The following SYNE1 variants were observed in gnomAD, a reference collection of about 807,000 sequenced individuals.
SYNE1 encodes spectrin repeat containing nuclear envelope protein 1.
In SYNE1, 616 loss-of-function variants were observed where a neutral mutation model predicts 1,111.0. The observed-to-expected ratio is 0.55, with a 90% CI of 0.52 to 0.59. The LOEUF is 0.59. Ranked by LOEUF, SYNE1 falls within the 20% of genes least tolerant of loss-of-function variation. The pLI, the probability that SYNE1 is intolerant of heterozygous loss-of-function variation, is 0.00. For missense variants in SYNE1, 10,006 were observed against 10,417.0 expected (o/e 0.96, Z 1.72); for synonymous variants, 3,855 against 3,825.8 (o/e 1.01, Z -0.28).
At chr6:152,504,879 T>C (rs1045850200) in intron 9 of SYNE1, among the ~76,000 whole-genome samples, 2 of 152,156 alleles carry the variant, frequency 1.3e-5, no homozygotes, top group African/African-American at 4.8e-5. Flanking sequence ...TTATATAGAG[T>C]AATTATATTA....
intron 127 of SYNE1, among the ~76,000 whole-genome samples, chr6:152,199,464 T>C (rs888011927): frequency 6.6e-6 from 1 of 152,240 alleles, no homozygotes; most frequent in Non-Finnish European, 1.5e-5. Flanking sequence ...GGATCAGACA[T>C]TTCTTTAAGT....
At chr6:152,544,590 T>C (rs1052733914) in intron 3 of SYNE1, among the ~76,000 whole-genome samples, 3 of 152,154 alleles carry the variant, frequency 2.0e-5, no homozygotes, top group Admixed American at 1.3e-4. Context: ...TCTGCATTTC[T>C]TTGCCCATTT....
chr6:152,630,089 A>G lies in SYNE1; in HGVS notation c.-223-1535T>C, dbSNP rs543779054. ...ATATATTGGTATCTGGTCAGAATGTATGAATGCAAAGCTAGTAACATGCTT... is the reference window on the plus strand; with the variant it reads ...ATATATTGGTATCTGGTCAGAATGTGTGAATGCAAAGCTAGTAACATGCTT... On this transcript the variant is annotated intron_variant, in intron 2 of 145. Coordinates refer to ENST00000367255, the MANE Select transcript of SYNE1 (RefSeq NM_182961.4). Among the ~76,000 whole-genome samples, 36 of 152,218 alleles carry G rather than the reference A, an allele frequency of 2.4e-4. No individual in the cohort carries two copies. In the South Asian group the frequency reaches 5.2e-3, roughly 22 times the overall value.
chr6:152,171,212 T>C (rs907512108), intron 130 of SYNE1, among the ~76,000 whole-genome samples: 1 of 152,250 alleles, frequency 6.6e-6, no homozygotes, highest in African/African-American at 2.4e-5. Flanking sequence ...ATTCTCATTT[T>C]ATACATGTGG....
chr6:152,354,734 T>C lies in SYNE1; in HGVS notation c.10851A>G (p.Ala3617=), dbSNP rs929699862. 1 of 1,614,248 alleles carries C rather than the reference T, an allele frequency of 6.2e-7. No individual in the cohort carries two copies. The highest frequency in any genetic ancestry group is 8.5e-7 in the Non-Finnish European group (1 of 1,180,046). Residue 3617 remains alanine, a synonymous_variant, in exon 67 of 146, where the codon GCA becomes GCG. Transcript: ENST00000367255. The part of the protein sequence containing the change: ...FQQVDEWLKT[A]EEKVSPRTRR... ...TGGTCCTGGGACTAACTTTCTCCTC[T>C]GCTGTTTTGAGCCATTCATCTACTT...
At chr6:152,411,629 CA>C (rs1209531689) in intron 42 of SYNE1, among the ~76,000 whole-genome samples, 1 of 151,958 alleles carries the variant, frequency 6.6e-6, no homozygotes, top group African/African-American at 2.4e-5. Flanking sequence ...CAGGGATATA[CA>C]AATTAAAAAC....
intron 3 of SYNE1, among the ~76,000 whole-genome samples, chr6:152,544,397 C>T (rs905383504): frequency 2.0e-5 from 3 of 152,174 alleles, no homozygotes; most frequent in Non-Finnish European, 4.4e-5. Context: ...CAAATACTCT[C>T]TGGGTCCTTC....
chr6:152,398,649 T>C lies in SYNE1; in HGVS notation c.7320A>G (p.Lys2440=). The C allele has an allele frequency of 1.2e-6, 2 of 1,614,010 alleles. No individual in the cohort carries two copies. The highest frequency in any genetic ancestry group is 1.7e-6 in the Non-Finnish European group (2 of 1,179,912). The change falls in exon 49 of 146, where the codon AAA becomes AAG. Residue 2440 remains lysine (K), a synonymous_variant. Coordinates refer to ENST00000367255, the MANE Select transcript of SYNE1 (RefSeq NM_182961.4). ...KESSDRTGDS[K]VLEAKLHDLQ... ...GATCATGGAGCTTTGCTTCTAGAAC[T>C]TTGCTGTCACCGGTGCGATCTGATG...
chr6:152,465,766 TACACACACACAC>T (rs71017538), intron 17 of SYNE1, among the ~76,000 whole-genome samples: 10 of 133,466 alleles, frequency 7.5e-5, no homozygotes, highest in South Asian at 5.2e-4. Context: ...GAAGAACACA[TACACACACACAC>T]ACACACACAC....
intron 3 of SYNE1, among the ~76,000 whole-genome samples, chr6:152,625,624 C>T (rs1260676484): frequency 1.3e-5 from 2 of 152,106 alleles, no homozygotes; most frequent in Non-Finnish European, 2.9e-5. Flanking sequence ...TACCCTTATG[C>T]CACCTTATAA....
intron 137 of SYNE1, chr6:152,144,166 G>A (rs951460443): frequency 3.3e-5 from 10 of 306,064 alleles, no homozygotes; most frequent in Admixed American, 1.9e-4. Flanking sequence ...TTCTGCTATC[G>A]CTTAGTGAGC....
At chr6:152,267,907 A>G in intron 100 of SYNE1, 149 bp downstream of exon 100, 1 of 732,148 alleles carries the variant, frequency 1.4e-6, no homozygotes, top group Non-Finnish European at 2.4e-6. Context: ...AATGTTCAAA[A>G]TGCAGGTACA....
chr6:152,188,984 A>AAAATATATATAT (rs1554517206), intron 128 of SYNE1, among the ~76,000 whole-genome samples: 1 of 23,000 alleles, frequency 4.3e-5, no homozygotes, highest in Non-Finnish European at 8.1e-5. Flanking sequence ...AAAAAAAAAA[A>AAAATATATATAT]ATATATATAT....
At chr6:152,219,602 T>C (rs578184998) in intron 119 of SYNE1, among the ~76,000 whole-genome samples, 11 of 152,022 alleles carry the variant, frequency 7.2e-5, no homozygotes, top group Admixed American at 7.2e-4. Flanking sequence ...GAAAACAAAA[T>C]GTTATATTTT....
intron 10 of SYNE1, among the ~76,000 whole-genome samples, chr6:152,499,280 A>C (rs952325829): frequency 2.6e-5 from 4 of 152,112 alleles, no homozygotes; most frequent in African/African-American, 9.7e-5. Context: ...ATAAGCCAAT[A>C]GACCTATTTT....
chr6:152,627,239 C>T (rs774573202), intron 3 of SYNE1, among the ~76,000 whole-genome samples: 7 of 152,128 alleles, frequency 4.6e-5, no homozygotes, highest in Non-Finnish European at 8.8e-5. Flanking sequence ...TAGATAACTA[C>T]AGGTGATAAT....
intron 16 of SYNE1, among the ~76,000 whole-genome samples, chr6:152,469,551 G>A (rs191231054): frequency 2.8e-4 from 42 of 152,216 alleles, no homozygotes; most frequent in Admixed American, 1.3e-3. Flanking sequence ...AGGTATGTAA[G>A]TGTAAAATAT....
Position 152,213,608 on chromosome 6 carries a change from T to C in SYNE1, c.22494+4A>G, listed in dbSNP as rs769026679. ...TTACCCCCAAATCTACTGATACAAC[T>C]TACCTCGTGTGCTCTCTGCTGTTCC... On this transcript the variant is annotated splice_donor_region_variant and intron_variant, in intron 123 of 145. Transcript: ENST00000367255. 1.1e-5 allele frequency: 18 copies of C among 1,614,064 alleles called. No homozygotes were observed. Among genetic ancestry groups the C allele is most frequent in the East Asian group, 4.5e-5 (2 of 44,860 alleles).
rs181679953 is a variant in SYNE1 at position 152,383,973 on chromosome 6, C to T, written c.8652+1701G>A. Among the ~76,000 whole-genome samples the T allele has an allele frequency of 1.6e-3, 237 of 152,334 alleles. 2 individuals are homozygous for T. Among genetic ancestry groups the T allele is most frequent in the African/African-American group, 5.4e-3 (224 of 41,580 alleles). On this transcript the variant is annotated intron_variant, in intron 55 of 145. Coordinates refer to ENST00000367255, the MANE Select transcript of SYNE1 (RefSeq NM_182961.4). Reference sequence around the variant, plus strand: ...GCAAAGACTTGACCATCATCCTTGACTCTTCCCACCTTGTCATGCTATAGC... The same window carrying T: ...GCAAAGACTTGACCATCATCCTTGATTCTTCCCACCTTGTCATGCTATAGC...
Sources: allele counts gnomAD v4.1 joint callset (sites outside exome capture counted in the v4.1 genomes callset), GRCh38; gene constraint gnomAD v4.1.1; transcripts MANE v1.5; gene names NCBI Gene and HGNC (gene_info 2026-07-23, HGNC 2026-07-21).